The following DOT1L variants were observed in gnomAD, a reference collection of about 807,000 sequenced individuals.
The protein encoded by DOT1L is DOT1 like histone lysine methyltransferase, also known as histone-lysine N-methyltransferase, H3 lysine-79 specific.
In DOT1L, 33 loss-of-function variants were observed where a neutral mutation model predicts 153.3. The ratio of observed to expected loss-of-function variants is 0.22; its 90% confidence interval spans 0.16 to 0.29. DOT1L has a LOEUF of 0.29. DOT1L is among the 10% of genes least tolerant of loss of function. The pLI is 1.00. For missense variants in DOT1L, 1,847 were observed against 2,119.9 expected (o/e 0.87, Z 2.53); for synonymous variants, 1,135 against 965.1 (o/e 1.18, Z -3.26).
chr19:2,193,266 C>T lies in DOT1L; in HGVS notation c.494-423C>T, dbSNP rs1309314393. Among the ~76,000 whole-genome samples, 4 of 152,216 alleles carry T rather than the reference C, an allele frequency of 2.6e-5. No homozygotes were observed. The highest frequency in any genetic ancestry group is 9.6e-5 in the African/African-American group (4 of 41,454). ...AGTCAGATCCTGCTCATGAGCCTTCCTGGGGTGCCATAAGATTTTATCAGC... is the reference window on the plus strand; with the variant it reads ...AGTCAGATCCTGCTCATGAGCCTTCTTGGGGTGCCATAAGATTTTATCAGC... On this transcript the variant is annotated intron_variant, in intron 5 of 27. Transcript: ENST00000398665. The surrounding 1 kb of genome is among the most constrained non-coding windows in gnomAD (Gnocchi z 5.9).
At chr19:2,182,573 C>A (rs149479470) in intron 2 of DOT1L, among the ~76,000 whole-genome samples, 1 of 152,004 alleles carries the variant, frequency 6.6e-6, no homozygotes, top group Admixed American at 6.6e-5. Context: ...TGTGGCTTCC[C>A]GGGGCTGTGA....
chr19:2,203,618 A>G (rs2023380773), intron 9 of DOT1L, among the ~76,000 whole-genome samples: 1 of 152,188 alleles, frequency 6.6e-6, no homozygotes, highest in Admixed American at 6.5e-5. Context: ...GCCCTGGCGT[A>G]GTTTCAGGAG....
chr19:2,183,688 G>A (rs1036660868), intron 2 of DOT1L, among the ~76,000 whole-genome samples: 9 of 151,106 alleles, frequency 6.0e-5, no homozygotes, highest in Admixed American at 1.3e-4. Context: ...GTGTGGTGGC[G>A]CATCCTCGGC....
At chr19:2,169,608 C>G (rs1473435435) in intron 1 of DOT1L, among the ~76,000 whole-genome samples, 2 of 152,108 alleles carry the variant, frequency 1.3e-5, no homozygotes, top group Non-Finnish European at 2.9e-5. Flanking sequence ...ATTCTCCTGC[C>G]TCAGCCTCCC....
At chr19:2,178,823 C>G (rs1057019602) in intron 1 of DOT1L, among the ~76,000 whole-genome samples, 7 of 152,176 alleles carry the variant, frequency 4.6e-5, no homozygotes, top group Non-Finnish European at 8.8e-5. Flanking sequence ...CCTCAGCTTC[C>G]CAAAGCGCTG....
rs1173873921 is a variant in DOT1L, at chr19:2,232,265, CTTATT to C, written c.*2475_*2479del. ...TCGGCCCATGAGGCACGCACAGTGA[CTTATT>C]TAAGACTTCCCCCTTAATTTATCTG... On this transcript the variant is annotated 3_prime_UTR_variant, in exon 28 of 28. Coordinates refer to ENST00000398665, the MANE Select transcript of DOT1L (RefSeq NM_032482.3). The C allele has an allele frequency of 4.6e-6, 1 of 216,608 alleles. No homozygotes were observed. Among genetic ancestry groups the C allele is most frequent in the Non-Finnish European group, 9.3e-6 (1 of 107,716 alleles). 13.4% of individuals were successfully genotyped at this position (216,608 alleles called of 1,614,324 possible). A position where few individuals can be genotyped will look rare whatever the true frequency, so the allele number is the denominator to read the frequency against.
chr19:2,222,964 G>C lies in DOT1L; in HGVS notation c.3391-317G>C. The C allele has an allele frequency of 2.2e-6, 1 of 451,220 alleles. No individual in the cohort carries two copies. The highest frequency in any genetic ancestry group is 3.9e-6 in the Non-Finnish European group (1 of 254,058). The allele number at this position is 451,220 out of a possible 1,614,324, so 28.0% of individuals were successfully genotyped here. ...ATCCTCCACCACGTGCGGCCTGGCA[G>C]CCTGGGAAGAGGCGGCCGACAGCTG... On this transcript the variant is annotated intron_variant, in intron 24 of 27. Transcript: ENST00000398665. This position sits in a 1 kb window ranked among gnomAD's most constrained non-coding sequence, Gnocchi z 6.5.
chr19:2,166,874 A>C (rs2019943503), intron 1 of DOT1L, among the ~76,000 whole-genome samples: 1 of 152,086 alleles, frequency 6.6e-6, no homozygotes, highest in African/African-American at 2.4e-5. Flanking sequence ...CCCCATCCTC[A>C]GCTTGCCTGG....
At chr19:2,192,968 G>T (rs1240331773) in intron 5 of DOT1L, among the ~76,000 whole-genome samples, 1 of 152,198 alleles carries the variant, frequency 6.6e-6, no homozygotes. Context: ...TGGTGGCGGC[G>T]GTCTGTGCCC....
In DOT1L at chr19:2,220,831, G is replaced by T. The variant is rs1396343197; in HGVS notation, c.2806+609G>T. 3.2e-6 allele frequency: 1 copy of T among 308,938 alleles called. No individual in the cohort carries two copies. Among genetic ancestry groups the T allele is most frequent in the African/African-American group, 2.2e-5 (1 of 45,866 alleles). 19.1% of individuals were successfully genotyped at this position (308,938 alleles called of 1,614,324 possible). A position where few individuals can be genotyped will look rare whatever the true frequency, so the allele number is the denominator to read the frequency against. Reference sequence around the variant, plus strand: ...CATGAGACCCCCAGGCTGGTTTGCTGGCCCCAGGTTGAGATGCGGTATGAT... The same window carrying T: ...CATGAGACCCCCAGGCTGGTTTGCTTGCCCCAGGTTGAGATGCGGTATGAT... On this transcript the variant is annotated intron_variant, in intron 23 of 27. Coordinates refer to ENST00000398665, the MANE Select transcript of DOT1L (RefSeq NM_032482.3). The surrounding 1 kb of genome is among the most constrained non-coding windows in gnomAD (Gnocchi z 4.5).
intron 1 of DOT1L, among the ~76,000 whole-genome samples, chr19:2,172,813 C>CT (rs1028954790): frequency 3.3e-5 from 5 of 151,140 alleles, no homozygotes; most frequent in Non-Finnish European, 7.4e-5. Context: ...TATTTTTCCT[C>CT]TTTTTTTTGA....
At position 2,216,693 on chromosome 19, in the gene DOT1L, T is replaced by C. The variant is rs1253819320; in HGVS notation, c.2336T>C (p.Ile779Thr). ...PDYTRLSPAK[I>T]VLRRHLSQDH... ...TACACTAGGCTGTCCCCGGCCAAGA[T>C]TGTGCTGAGGCGGCACCTGAGCCAG... is the stretch of plus-strand genomic sequence containing the variant. Residue 779 changes from isoleucine to threonine, a missense_variant, in exon 20 of 28, where the codon ATT (isoleucine) becomes ACT (threonine). Transcript: ENST00000398665. 2 of 1,602,962 alleles carry C rather than the reference T, an allele frequency of 1.2e-6. No individual in the cohort carries two copies. Among genetic ancestry groups the C allele is most frequent in the South Asian group, 1.1e-5 (1 of 91,058 alleles).
rs564509907 is a variant in DOT1L, at chr19:2,221,050, G to T, written c.2806+828G>T. On this transcript the variant is annotated intron_variant, in intron 23 of 27. Coordinates refer to ENST00000398665, the MANE Select transcript of DOT1L (RefSeq NM_032482.3). ...AAATTAGCCGGATGTGGTGGCAGACGCCTGTAATCCCAGCCACTCGAGAGG... is the reference window on the plus strand; with the variant it reads ...AAATTAGCCGGATGTGGTGGCAGACTCCTGTAATCCCAGCCACTCGAGAGG... 430 of 163,506 alleles carry T rather than the reference G, an allele frequency of 2.6e-3. 1 individual carries two copies. The highest frequency in any genetic ancestry group is 9.5e-3 in the African/African-American group (397 of 41,616). The allele number at this position is 163,506 out of a possible 1,614,324, so 10.1% of individuals were successfully genotyped here. A position where few individuals can be genotyped will look rare whatever the true frequency, so the allele number is the denominator to read the frequency against.
intron 16 of DOT1L, chr19:2,212,567 GC>G (rs1466097970): frequency 1.3e-5 from 2 of 152,252 alleles, no homozygotes; most frequent in Admixed American, 6.5e-5. Flanking sequence ...AGCTGGGCAG[GC>G]TGATTAAGAA....
chr19:2,206,964 C>G (rs1267023863), intron 10 of DOT1L, among the ~76,000 whole-genome samples, 167 bp downstream of exon 10: 1 of 152,174 alleles, frequency 6.6e-6, no homozygotes, highest in Non-Finnish European at 1.5e-5. Context: ...TCCCTGGTGT[C>G]CACCCACTCC....
At chr19:2,168,020 C>G (rs1187620642) in intron 1 of DOT1L, among the ~76,000 whole-genome samples, 1 of 152,182 alleles carries the variant, frequency 6.6e-6, no homozygotes, top group Non-Finnish European at 1.5e-5. Flanking sequence ...CAGGCGTGAA[C>G]CACCGTGCCC....
At chr19:2,211,955 C>T (rs1321940894) in intron 16 of DOT1L, 113 bp downstream of exon 16, 6 of 929,496 alleles carry the variant, frequency 6.5e-6, no homozygotes, top group Non-Finnish European at 9.4e-6. Context: ...TGAGTGGGCT[C>T]CCTCCTCTGC....
intron 8 of DOT1L, among the ~76,000 whole-genome samples, chr19:2,200,190 T>C (rs532497166): frequency 4.6e-5 from 7 of 152,266 alleles, no homozygotes; most frequent in African/African-American, 1.2e-4. Context: ...TCCTGCTGCC[T>C]GTCCCCTTGA....
chr19:2,215,855 A>G lies in DOT1L; in HGVS notation c.1924-426A>G, dbSNP rs142501459. The G allele has an allele frequency of 3.3e-3, 529 of 159,058 alleles. 4 individuals are homozygous for G. Among genetic ancestry groups the G allele is most frequent in the African/African-American group, 0.012 (497 of 41,838 alleles). The allele number at this position is 159,058 out of a possible 1,614,324, so 9.9% of individuals were successfully genotyped here. On this transcript the variant is annotated intron_variant, in intron 19 of 27. Coordinates refer to ENST00000398665, the MANE Select transcript of DOT1L (RefSeq NM_032482.3). ...GTAATAAAAAAACAATGTGTTTGTTAAAAGAAAGGAAAGCAGGTAAACAGA... is the reference window on the plus strand; with the variant it reads ...GTAATAAAAAAACAATGTGTTTGTTGAAAGAAAGGAAAGCAGGTAAACAGA...
Sources: gnomAD v4.1 joint callset for allele counts (sites outside exome capture counted in the v4.1 genomes callset) on GRCh38, gnomAD v4.1.1 for gene constraint, Gnocchi (gnomAD v3.1) non-coding constraint, MANE v1.5 for transcripts, NCBI Gene and HGNC (gene_info 2026-07-23, HGNC 2026-07-21) for gene names.